SEMA4D: variants seen among roughly 807,000 people sequenced by gnomAD.
SEMA4D encodes semaphorin-4D.
SEMA4D carries 22 observed loss-of-function variants against 74.8 expected under a neutral mutation model. The observed-to-expected ratio is 0.29, with a 90% confidence interval of 0.21 to 0.42. The LOEUF (loss-of-function observed/expected upper bound fraction) is 0.42, where lower values mean the gene tolerates loss of function less well. SEMA4D is among the 10% of genes least tolerant of loss of function. SEMA4D has a pLI of 1.00. For missense variants in SEMA4D, 937 were observed against 1,118.4 expected (o/e 0.84, Z 2.31); for synonymous variants, 445 against 463.7 (o/e 0.96, Z 0.52).
chr9:89,410,793 G>A (rs1844366288), intron 2 of SEMA4D, among the ~76,000 whole-genome samples: 1 of 152,174 alleles, frequency 6.6e-6, no homozygotes, highest in Admixed American at 6.6e-5. Flanking sequence ...GGTTACATGA[G>A]GCTTCCAGAA....
At position 89,492,957 on chromosome 9, in the gene SEMA4D, G is replaced by C. The variant is rs1420565790; in HGVS notation, c.-310+4962C>G. Among the ~76,000 whole-genome samples the C allele has an allele frequency of 6.6e-6, 1 of 152,104 alleles. No individual in the cohort carries two copies. The highest frequency in any genetic ancestry group is 2.4e-5 in the African/African-American group (1 of 41,396). On this transcript the variant is annotated intron_variant, in intron 1 of 15. Coordinates refer to ENST00000422704, the MANE Select transcript of SEMA4D (RefSeq NM_001371194.2). This position sits in a 1 kb window ranked among gnomAD's most constrained non-coding sequence, Gnocchi z 4.3. ...TCAACAAACCACTGGCCCCTTAAGCGGCTGGACCTAGAACTATCTATCTCC... is the reference window on the plus strand; with the variant it reads ...TCAACAAACCACTGGCCCCTTAAGCCGCTGGACCTAGAACTATCTATCTCC...
intron 15 of SEMA4D, among the ~76,000 whole-genome samples, chr9:89,379,981 G>A (rs1588162102): frequency 6.6e-6 from 1 of 152,324 alleles, no homozygotes; most frequent in East Asian, 1.9e-4. Context: ...ATGGCTGCAA[G>A]GAAGACTGGC....
intron 1 of SEMA4D, among the ~76,000 whole-genome samples, chr9:89,481,548 C>T (rs976330377): frequency 2.0e-5 from 3 of 152,232 alleles, no homozygotes; most frequent in Admixed American, 1.3e-4. Flanking sequence ...TCCTAACAGC[C>T]TCAAACTGGA....
At chr9:89,395,379 G>A (rs62547232) in intron 6 of SEMA4D, among the ~76,000 whole-genome samples, 202 of 151,106 alleles carry the variant, frequency 1.3e-3, no homozygotes, top group African/African-American at 4.8e-3. Flanking sequence ...AGCCGAGATC[G>A]CATCACTGTA....
Position 89,378,825 on chromosome 9 carries a change from G to C in SEMA4D, c.2468C>G (p.Thr823Ser). ...TGYETEQDTITSKVPTDREDS... is the reference protein window; with the variant it reads ...TGYETEQDTISSKVPTDREDS... ...CTCCCTATCCGTGGGGACTTTGCTG[G>C]TGATGGTGTCTTGCTCGGTCTCATA... is the stretch of plus-strand genomic sequence containing the variant. Residue 823 changes from threonine to serine, a missense_variant, in exon 16 of 16, where the codon ACC becomes AGC. Thr to Ser is a moderately conservative substitution (Grantham distance 58). Coordinates refer to ENST00000422704, the MANE Select transcript of SEMA4D (RefSeq NM_001371194.2). 1 of 1,614,212 alleles carries C rather than the reference G, an allele frequency of 6.2e-7. No homozygotes were observed. The highest frequency in any genetic ancestry group is 8.5e-7 in the Non-Finnish European group (1 of 1,180,032).
At chr9:89,477,021 C>G (rs1861908754) in intron 1 of SEMA4D, among the ~76,000 whole-genome samples, 1 of 152,156 alleles carries the variant, frequency 6.6e-6, no homozygotes, top group Non-Finnish European at 1.5e-5. Context: ...TTTAGACAAG[C>G]TGGAGGCATG....
intron 13 of SEMA4D, among the ~76,000 whole-genome samples, chr9:89,384,270 T>C (rs778337839): frequency 8.5e-5 from 13 of 152,120 alleles, no homozygotes; most frequent in Non-Finnish European, 1.8e-4. Flanking sequence ...ACACACAAAA[T>C]GCGGGACTCA....
intron 1 of SEMA4D, among the ~76,000 whole-genome samples, chr9:89,497,595 G>A (rs1424606173): frequency 1.3e-5 from 2 of 151,652 alleles, no homozygotes; most frequent in African/African-American, 2.4e-5. Flanking sequence ...GCGCCCAGAG[G>A]AGCCACCTGC....
intron 18 of SEMA4D, among the ~76,000 whole-genome samples, chr9:89,362,910 CAG>C (rs1703761170): frequency 6.6e-6 from 1 of 152,160 alleles, no homozygotes; most frequent in Non-Finnish European, 1.5e-5. Flanking sequence ...CGTGGGGAGA[CAG>C]GGAGCCTCTA....
chr9:89,388,411 A>G (rs1218222344), intron 11 of SEMA4D, among the ~76,000 whole-genome samples: 2 of 152,278 alleles, frequency 1.3e-5, no homozygotes, highest in Non-Finnish European at 1.5e-5. Flanking sequence ...TGTGCAAAAC[A>G]GCTGCCCCAG....
At chr9:89,401,894 T>C (rs1413027763) in intron 4 of SEMA4D, among the ~76,000 whole-genome samples, 2 of 152,082 alleles carry the variant, frequency 1.3e-5, no homozygotes, top group African/African-American at 2.4e-5. Flanking sequence ...TTTGCAATCT[T>C]TGATGAGAAG....
intron 18 of SEMA4D, chr9:89,362,444 G>A (rs1162729468): frequency 1.2e-6 from 2 of 1,614,002 alleles, no homozygotes; most frequent in Admixed American, 1.7e-5. Flanking sequence ...AGAACAATGT[G>A]GTCTTTGAAT....
chr9:89,418,278 G>T, intron 2 of SEMA4D: 1 of 746,824 alleles, frequency 1.3e-6, no homozygotes, highest in Non-Finnish European at 1.6e-6. Flanking sequence ...ATGTGCTGGG[G>T]AAGACAGCAC....
At position 89,378,051 on chromosome 9, in the gene SEMA4D, A is replaced by C. The variant is rs867362365; in HGVS notation, c.*653T>G. 1 of 152,568 alleles carries C rather than the reference A, an allele frequency of 6.6e-6. No individual in the cohort carries two copies. Among genetic ancestry groups the C allele is most frequent in the African/African-American group, 2.4e-5 (1 of 41,454 alleles). The allele number at this position is 152,568 out of a possible 1,614,324, so 9.5% of individuals were successfully genotyped here. On this transcript the variant is annotated 3_prime_UTR_variant, in exon 16 of 16. Transcript: ENST00000422704. The stretch of plus-strand genomic sequence containing the variant: ...ACATTTCTAAAAGCAGAAAGAATGC[A>C]TTTAGCAAAAGGAAGTTTATCCCTG...
At chr9:89,482,787 C>A (rs752446471) in intron 1 of SEMA4D, among the ~76,000 whole-genome samples, 2 of 152,180 alleles carry the variant, frequency 1.3e-5, no homozygotes, top group Admixed American at 1.3e-4. Context: ...TGAGCATGGT[C>A]TCCTCGCTGA....
chr9:89,421,325 A>G (rs1232468295), intron 2 of SEMA4D, among the ~76,000 whole-genome samples: 3 of 152,242 alleles, frequency 2.0e-5, no homozygotes, highest in African/African-American at 7.2e-5. Flanking sequence ...GTAGGCATGC[A>G]TATTACAACA....
At chr9:89,470,084 A>G (rs1012542455) in intron 1 of SEMA4D, among the ~76,000 whole-genome samples, 12 of 152,244 alleles carry the variant, frequency 7.9e-5, no homozygotes, top group Non-Finnish European at 1.6e-4. Flanking sequence ...CAACAACATA[A>G]AAGTGGTCAT....
At chr9:89,408,166 C>T (rs10118327) in intron 2 of SEMA4D, among the ~76,000 whole-genome samples, 169 of 152,208 alleles carry the variant, frequency 1.1e-3, no homozygotes, top group Non-Finnish European at 1.0e-3. Flanking sequence ...AATCATATTA[C>T]TATATAACTA....
At chr9:89,372,713 C>T (rs1719358436), downstream of SEMA4D, among the ~76,000 whole-genome samples, 1 of 152,054 alleles carries the variant, frequency 6.6e-6, no homozygotes, top group South Asian at 2.1e-4. Flanking sequence ...GGCCCCAAGG[C>T]AGTGCAGTCC....
Sources: allele counts gnomAD v4.1 joint callset (sites outside exome capture counted in the v4.1 genomes callset), GRCh38; gene constraint gnomAD v4.1.1; non-coding constraint Gnocchi (gnomAD v3.1); transcripts MANE v1.5; gene names NCBI Gene and HGNC (gene_info 2026-07-23, HGNC 2026-07-21).